The following MAN1C1 variants were observed in gnomAD, a reference collection of about 807,000 sequenced individuals.
The protein encoded by MAN1C1 is mannosyl-oligosaccharide 1,2-alpha-mannosidase IC.
In MAN1C1, 49 loss-of-function variants were observed where a neutral mutation model predicts 71.5. The ratio of observed to expected loss-of-function variants is 0.69; its 90% CI spans 0.54 to 0.87. MAN1C1 has a LOEUF of 0.87. MAN1C1 is among the 40% of genes least tolerant of loss of function. MAN1C1 has a pLI of 0.00. For synonymous variants in MAN1C1, 352 were observed against 343.7 expected (o/e 1.02, Z -0.27); for missense variants, 743 against 835.0 (o/e 0.89, Z 1.36).
chr1:25,663,137 ATTTAT>A (rs2045875058), intron 1 of MAN1C1, among the ~76,000 whole-genome samples: 1 of 148,006 alleles, frequency 6.8e-6, no homozygotes, highest in South Asian at 2.1e-4. Context: ...TATTTATATT[ATTTAT>A]TTTAAATACA....
chr1:25,675,946 C>T (rs1228994827), intron 1 of MAN1C1, among the ~76,000 whole-genome samples: 2 of 152,216 alleles, frequency 1.3e-5, no homozygotes, highest in Non-Finnish European at 2.9e-5. Flanking sequence ...AGCAGCCTCT[C>T]AAGCTTCAAT....
At chr1:25,691,252 G>A (rs545609230) in intron 2 of MAN1C1, among the ~76,000 whole-genome samples, 1 of 152,286 alleles carries the variant, frequency 6.6e-6, no homozygotes, top group South Asian at 2.1e-4. Flanking sequence ...ATGAGGTGGA[G>A]GTTGCAATGA....
At chr1:25,687,506 A>T (rs529944816) in intron 2 of MAN1C1, among the ~76,000 whole-genome samples, 68 of 152,342 alleles carry the variant, frequency 4.5e-4, no homozygotes, top group African/African-American at 1.6e-3. Context: ...CACCCCTTAC[A>T]GATACAGGCT....
At chr1:25,744,730 C>A (rs1268970022) in intron 2 of MAN1C1, among the ~76,000 whole-genome samples, 2 of 152,210 alleles carry the variant, frequency 1.3e-5, no homozygotes, top group African/African-American at 4.8e-5. Context: ...CAGAAGGATT[C>A]TCTGCCTTCA....
At position 25,725,036 on chromosome 1, in the gene MAN1C1, C is replaced by T. The variant is rs776763561; in HGVS notation, c.638-21632C>T. On this transcript the variant is annotated intron_variant, in intron 2 of 11. Coordinates refer to ENST00000374332, the MANE Select transcript of MAN1C1 (RefSeq NM_020379.4). This position sits in a 1 kb window ranked among gnomAD's most constrained non-coding sequence, Gnocchi z 4.8. The stretch of plus-strand genomic sequence containing the variant: ...TTCTGGAAACTGATTATGTCTATAA[C>T]ACCAACCCAGAGATAAGCATTTCAA... Among the ~76,000 whole-genome samples, 6 of 152,198 alleles carry T rather than the reference C, an allele frequency of 3.9e-5. No individual in the cohort carries two copies. The highest frequency in any genetic ancestry group is 2.6e-4 in the Admixed American group (4 of 15,288).
At chr1:25,758,465 C>T (rs905132638) in intron 5 of MAN1C1, 127 bp from the exon 6 acceptor site, 21 of 740,526 alleles carry the variant, frequency 2.8e-5, no homozygotes, top group South Asian at 9.5e-5. Context: ...TGAAATTGTA[C>T]GGCGAAAGCT....
At chr1:25,673,846 A>T (rs1032111439) in intron 1 of MAN1C1, among the ~76,000 whole-genome samples, 2 of 152,228 alleles carry the variant, frequency 1.3e-5, no homozygotes, top group African/African-American at 4.8e-5. Context: ...TACCCTGCCT[A>T]ACTCACAGGT....
chr1:25,681,403 G>A (rs539279587), intron 1 of MAN1C1, among the ~76,000 whole-genome samples: 18 of 152,158 alleles, frequency 1.2e-4, no homozygotes, highest in Non-Finnish European at 1.8e-4. Flanking sequence ...TTAGAGACTC[G>A]GTGCCCAAGG....
intron 2 of MAN1C1, among the ~76,000 whole-genome samples, chr1:25,737,948 G>C (rs951572447): frequency 6.6e-6 from 1 of 152,134 alleles, no homozygotes; most frequent in African/African-American, 2.4e-5. Context: ...AAGAGGTGAG[G>C]CTGGAGAACT....
In MAN1C1 at chr1:25,634,157, A is replaced by G. The variant is rs938318075; in HGVS notation, c.540+15820A>G. On this transcript the variant is annotated intron_variant, in intron 1 of 11. Coordinates refer to ENST00000374332, the MANE Select transcript of MAN1C1 (RefSeq NM_020379.4). This position sits in a 1 kb window ranked among gnomAD's most constrained non-coding sequence, Gnocchi z 4.6. ...TTTCTTAGGATCTGTTATGTATACA[A>G]TCATGTTGTCTATGTCAAGACAGTC... 2.6e-5 allele frequency among the ~76,000 whole-genome samples: 4 copies of G among 152,188 alleles called. No individual in the cohort carries two copies. The highest frequency in any genetic ancestry group is 2.0e-4 in the Admixed American group (3 of 15,274).
At chr1:25,680,630 AG>A (rs2046138513) in intron 1 of MAN1C1, among the ~76,000 whole-genome samples, 1 of 152,352 alleles carries the variant, frequency 6.6e-6, no homozygotes, top group South Asian at 2.1e-4. Flanking sequence ...TCCATGCTGT[AG>A]CCTGCAACAG....
At chr1:25,771,834 C>A in intron 8 of MAN1C1, 62 bp downstream of exon 8, 3 of 1,368,976 alleles carry the variant, frequency 2.2e-6, no homozygotes, top group East Asian at 2.3e-5. Flanking sequence ...CTCTCACGGC[C>A]GAGCGAGGGT....
intron 5 of MAN1C1, among the ~76,000 whole-genome samples, chr1:25,754,203 C>T (rs1441884873): frequency 1.3e-5 from 2 of 152,146 alleles, no homozygotes; most frequent in African/African-American, 2.4e-5. Context: ...CCAACAATCC[C>T]GACGCTAGGA....
At chr1:25,668,560 T>TTTC (rs200065264) in intron 1 of MAN1C1, among the ~76,000 whole-genome samples, 1,867 of 113,722 alleles carry the variant, frequency 0.016, 47 homozygotes, top group African/African-American at 0.08. Context: ...TCTTTCTTTC[T>TTTC]TTTTTTTTTT....
At chr1:25,661,691 TTCGTGAAAATGGGATG>T (rs1198798743) in intron 1 of MAN1C1, among the ~76,000 whole-genome samples, 1 of 152,028 alleles carries the variant, frequency 6.6e-6, no homozygotes, top group Non-Finnish European at 1.5e-5. Context: ...TTTATTAGAG[TTCGTGAAAATGGGATG>T]TCTCCTCCCA....
At chr1:25,749,729 C>A (rs955134383) in intron 4 of MAN1C1, among the ~76,000 whole-genome samples, 6 of 152,208 alleles carry the variant, frequency 3.9e-5, no homozygotes, top group East Asian at 3.8e-4. Context: ...CATACATCAT[C>A]CACTCAGATC....
chr1:25,774,863 T>C (rs945940), intron 8 of MAN1C1, among the ~76,000 whole-genome samples: 12,526 of 152,044 alleles, frequency 0.082, 600 homozygotes, highest in African/African-American at 0.12. Context: ...ACTTAGCTCC[T>C]TGCACCGCTG....
chr1:25,773,044 A>G (rs2047575036), intron 8 of MAN1C1, among the ~76,000 whole-genome samples: 1 of 152,226 alleles, frequency 6.6e-6, no homozygotes, highest in Non-Finnish European at 1.5e-5. Context: ...ATCAGCCTCT[A>G]AAATTATCAC....
intron 1 of MAN1C1, among the ~76,000 whole-genome samples, chr1:25,684,493 G>C (rs2046200524): frequency 6.6e-6 from 1 of 152,180 alleles, no homozygotes; most frequent in Admixed American, 6.5e-5. Context: ...CCTGGCTGCT[G>C]TGCTGCCATG....
Sources: allele counts gnomAD v4.1 joint callset (sites outside exome capture counted in the v4.1 genomes callset), GRCh38; gene constraint gnomAD v4.1.1; non-coding constraint Gnocchi (gnomAD v3.1); transcripts MANE v1.5; gene names NCBI Gene and HGNC (gene_info 2026-07-23, HGNC 2026-07-21).